Variants in INPP5F observed in about 807,000 individuals in gnomAD.
INPP5F encodes the protein phosphatidylinositide 4-phosphatase SAC2.
A neutral mutation model predicts 137.2 loss-of-function variants in INPP5F; 97 were observed. That is an observed-to-expected ratio of 0.71 (90% CI 0.60 to 0.84). The LOEUF is 0.84. Ranked by LOEUF, INPP5F falls within the 40% of genes least tolerant of loss-of-function variation. The probability of loss-of-function intolerance (pLI) is 0.00; values close to 1 mark genes in which losing one functional copy is unlikely to be tolerated. For synonymous variants in INPP5F, 504 were observed against 476.9 expected, an observed-to-expected ratio of 1.06 and a Z score of -0.74; for missense variants, 1,271 against 1,371.9, an observed-to-expected ratio of 0.93 and a Z score of 1.16.
chr10:119,792,769 T>A (rs1850193871), intron 6 of INPP5F, among the ~76,000 whole-genome samples: 2 of 152,222 alleles, frequency 1.3e-5, no homozygotes, highest in Admixed American at 1.3e-4. Flanking sequence ...GTTGGAAAAT[T>A]GACTGTCTAA....
intron 6 of INPP5F, among the ~76,000 whole-genome samples, chr10:119,794,262 C>T (rs373651110): frequency 0.046 from 7,038 of 152,176 alleles, 233 homozygotes; most frequent in Non-Finnish European, 0.072. Flanking sequence ...TAACAAAGCA[C>T]ATCTTGCACC....
Position 119,827,858 on chromosome 10 carries a change from C to A in INPP5F, c.*78C>A. ...CACCTCTTGGGGTATTTTAATTGTA[C>A]TGTCTGAACCCAGGGATCACAAATT... On this transcript the variant is annotated 3_prime_UTR_variant, in exon 20 of 20. Coordinates refer to ENST00000650623, the MANE Select transcript of INPP5F (RefSeq NM_014937.4). 9.5e-7 allele frequency: 1 copy of A among 1,047,876 alleles called. No homozygotes were observed. The highest frequency in any genetic ancestry group is 1.4e-6 in the Non-Finnish European group (1 of 721,566). The allele number at this position is 1,047,876 out of a possible 1,614,324, so 64.9% of individuals were successfully genotyped here.
intron 2 of INPP5F, among the ~76,000 whole-genome samples, chr10:119,760,891 G>T (rs1476402951): frequency 6.6e-6 from 1 of 152,172 alleles, no homozygotes; most frequent in East Asian, 1.9e-4. Context: ...CTGGAGTTTA[G>T]TGGCTAGGAA....
chr10:119,820,124 T>G (rs1359669674), intron 15 of INPP5F, among the ~76,000 whole-genome samples: 2 of 152,232 alleles, frequency 1.3e-5, no homozygotes, highest in Non-Finnish European at 2.9e-5. Flanking sequence ...TGTTAATTAT[T>G]TGTAGATTTT....
At chr10:119,804,363 A>T in intron 10 of INPP5F, 66 bp downstream of exon 10, 1 of 1,295,932 alleles carries the variant, frequency 7.7e-7, no homozygotes, top group Non-Finnish European at 1.0e-6. Context: ...TGCCACAGGG[A>T]CCTTAGTTTC....
At chr10:119,819,584 G>C (rs541563327) in intron 15 of INPP5F, 2 of 1,498,950 alleles carry the variant, frequency 1.3e-6, no homozygotes, top group African/African-American at 2.8e-5. Flanking sequence ...GTGTTATTTG[G>C]TATTATTCTC....
At position 119,810,101 on chromosome 10, in the gene INPP5F, G is replaced by A. The variant is rs1179205423; in HGVS notation, c.1571G>A (p.Gly524Asp). The stretch of plus-strand genomic sequence containing the variant: ...TCAAAATCAGTTTTTGTTTGACAGG[G>A]TGACTTTACAAGGACAGGAGAAAGG... ...RQYAGTAALK[G>D]DFTRTGERKL... Residue 524 changes from glycine (G) to aspartate (D), a missense_variant and splice_region_variant, in exon 14 of 20, where the codon GGT (glycine) becomes GAT (aspartate). Gly to Asp is a moderately conservative substitution (Grantham distance 94, BLOSUM62 -1). Coordinates refer to ENST00000650623, the MANE Select transcript of INPP5F (RefSeq NM_014937.4). 4.4e-6 allele frequency: 7 copies of A among 1,592,454 alleles called. No homozygotes were observed. The South Asian group carries it at 6.7e-5, about 15-fold the overall frequency.
intron 2 of INPP5F, among the ~76,000 whole-genome samples, chr10:119,768,790 TC>T (rs893690371): frequency 1.3e-5 from 2 of 152,212 alleles, no homozygotes; most frequent in Admixed American, 6.5e-5. Context: ...CACCTTCTCT[TC>T]CTTTTTACCC....
chr10:119,773,760 T>C (rs778158630), intron 2 of INPP5F, among the ~76,000 whole-genome samples: 1 of 152,146 alleles, frequency 6.6e-6, no homozygotes, highest in African/African-American at 2.4e-5. Context: ...AGTACAGTGA[T>C]GGAATCGTAG....
At chr10:119,793,476 A>T (rs1158480759) in intron 6 of INPP5F, 1 of 152,478 alleles carries the variant, frequency 6.6e-6, no homozygotes, top group African/African-American at 2.4e-5. Flanking sequence ...ATGGAAGAAG[A>T]GGTGGATTTG....
intron 1 of INPP5F, among the ~76,000 whole-genome samples, chr10:119,735,023 G>A (rs1482699026): frequency 6.6e-6 from 1 of 152,188 alleles, no homozygotes; most frequent in African/African-American, 2.4e-5. Context: ...AATACATTAA[G>A]TGATAATGTA....
At chr10:119,796,173 ATTAC>A (rs1161720276) in intron 6 of INPP5F, among the ~76,000 whole-genome samples, 3 of 152,046 alleles carry the variant, frequency 2.0e-5, no homozygotes, top group Non-Finnish European at 4.4e-5. Context: ...GGTTTCATTT[ATTAC>A]TTAGATTTTA....
At chr10:119,792,795 T>G (rs1041202305) in intron 6 of INPP5F, among the ~76,000 whole-genome samples, 6 of 152,232 alleles carry the variant, frequency 3.9e-5, no homozygotes, top group Admixed American at 6.5e-5. Context: ...ATTCATTCAA[T>G]CAACAAATAT....
In INPP5F at chr10:119,823,910, T is replaced by TA. The variant is rs1429816588; in HGVS notation, c.2249+9dup. On this transcript the variant is annotated intron_variant, in intron 19 of 19. Coordinates refer to ENST00000650623, the MANE Select transcript of INPP5F (RefSeq NM_014937.4). Reference sequence around the variant, plus strand: ...TGAGAAGAAACTTGAGAGGTGAGTATACTGCTTCTCTCAAGAATAAAGGCA... The same window carrying TA: ...TGAGAAGAAACTTGAGAGGTGAGTATAACTGCTTCTCTCAAGAATAAAGGCA... 6.3e-7 allele frequency: 1 copy of TA among 1,588,034 alleles called. No homozygotes were observed. Among genetic ancestry groups the TA allele is most frequent in the Admixed American group, 1.7e-5 (1 of 58,972 alleles).
chr10:119,806,636 A>G (rs1056024057), intron 12 of INPP5F, among the ~76,000 whole-genome samples, 156 bp downstream of exon 12: 8 of 152,136 alleles, frequency 5.3e-5, no homozygotes, highest in Non-Finnish European at 1.2e-4. Context: ...GGAAAGCACA[A>G]CCTGCACTGA....
At chr10:119,823,014 TAGA>T (rs1291097460) in intron 17 of INPP5F, 54 bp from the exon 18 acceptor site, 2 of 1,509,276 alleles carry the variant, frequency 1.3e-6, no homozygotes, top group Non-Finnish European at 1.8e-6. Flanking sequence ...TTTAAGATAA[TAGA>T]AGAAAATGTT....
Position 119,827,550 on chromosome 10 carries a change from C to A in INPP5F, c.3169C>A (p.Pro1057Thr), listed in dbSNP as rs778602876. 7.4e-4 allele frequency: 1,190 copies of A among 1,614,078 alleles called. 2 individuals carry two copies. Among genetic ancestry groups the A allele is most frequent in the Non-Finnish European group, 9.6e-4 (1,136 of 1,180,032 alleles). ...ACTTGAGACAGGGCTTCATGTAACTCCTTCTCCTTCAGAGAGCAGTAGCAG... is the reference window on the plus strand; with the variant it reads ...ACTTGAGACAGGGCTTCATGTAACTACTTCTCCTTCAGAGAGCAGTAGCAG... Reference protein sequence around the residue: ...LELETGLHVTPSPSESSSSRA... With the variant: ...LELETGLHVTTSPSESSSSRA... The change falls in exon 20 of 20, where the codon CCT becomes ACT. Residue 1057 changes from proline (P) to threonine (T), a missense_variant. Coordinates refer to ENST00000650623, the MANE Select transcript of INPP5F (RefSeq NM_014937.4).
chr10:119,726,612 C>G (rs959008734), intron 1 of INPP5F, among the ~76,000 whole-genome samples: 1 of 152,226 alleles, frequency 6.6e-6, no homozygotes, highest in Non-Finnish European at 1.5e-5. Flanking sequence ...CACCGCGTCA[C>G]GCGGCCGCCC....
chr10:119,733,250 G>C (rs1214995016), intron 1 of INPP5F, among the ~76,000 whole-genome samples: 1 of 152,206 alleles, frequency 6.6e-6, no homozygotes, highest in Admixed American at 6.5e-5. Context: ...TAGTTTGTTT[G>C]TTGATCCTGT....
Sources: gnomAD v4.1 joint callset for allele counts (sites outside exome capture counted in the v4.1 genomes callset) on GRCh38, gnomAD v4.1.1 for gene constraint, MANE v1.5 for transcripts, NCBI Gene and HGNC (gene_info 2026-07-23, HGNC 2026-07-21) for gene names.